The following EYS variants were observed in gnomAD, a reference collection of about 807,000 sequenced individuals.
EYS encodes protein eyes shut homolog.
In EYS, 250 loss-of-function variants were observed where a neutral mutation model predicts 282.1. The ratio of observed to expected loss-of-function variants is 0.89; its 90% CI spans 0.80 to 0.98. The LOEUF is 0.98. EYS is among the 50% of genes least tolerant of loss of function. The pLI, the probability that EYS is intolerant of heterozygous loss-of-function variation, is 0.00. For missense variants in EYS, 4,016 were observed against 3,709.0 expected, an observed-to-expected ratio of 1.08 and a Z score of -2.15; for synonymous variants, 1,355 against 1,282.9, an observed-to-expected ratio of 1.06 and a Z score of -1.20.
At chr6:64,551,184 A>ATATATGTG (rs1765068356) in intron 26 of EYS, among the ~76,000 whole-genome samples, 72 of 149,372 alleles carry the variant, frequency 4.8e-4, no homozygotes, top group African/African-American at 1.6e-3. Flanking sequence ...ATATACACAC[A>ATATATGTG]TATATACATA....
chr6:64,967,313 T>G (rs1770130501), intron 14 of EYS, among the ~76,000 whole-genome samples: 1 of 151,452 alleles, frequency 6.6e-6, no homozygotes, highest in East Asian at 1.9e-4. Context: ...CACTGTAGTC[T>G]GAGATCAAAA....
chr6:65,004,863 A>G lies in EYS; in HGVS notation c.2138-7160T>C, dbSNP rs1406743656. Reference sequence around the variant, plus strand: ...ATTTATGATTTCTATGCTTCATCTAACAAAGTACCAGCAGGTAGCAATGAT... The same window carrying G: ...ATTTATGATTTCTATGCTTCATCTAGCAAAGTACCAGCAGGTAGCAATGAT... On this transcript the variant is annotated intron_variant, in intron 13 of 42. Coordinates refer to ENST00000503581, the MANE Select transcript of EYS (RefSeq NM_001142800.2). Among the ~76,000 whole-genome samples the G allele has an allele frequency of 1.4e-5, 2 of 147,868 alleles. 1 individual carries two copies. Among genetic ancestry groups the G allele is most frequent in the Non-Finnish European group, 3.0e-5 (2 of 66,010 alleles).
At chr6:65,342,560 G>T (rs1770239185) in intron 10 of EYS, among the ~76,000 whole-genome samples, 1 of 150,308 alleles carries the variant, frequency 6.7e-6, no homozygotes, top group South Asian at 2.1e-4. Context: ...AATTATTTTG[G>T]TTGCCTGAAC....
intron 37 of EYS, chr6:63,797,987 G>A (rs961365222): frequency 6.6e-6 from 1 of 152,180 alleles, no homozygotes; most frequent in Admixed American, 6.5e-5. Flanking sequence ...CTCTCTTGCT[G>A]TCAGAGATGA....
intron 22 of EYS, among the ~76,000 whole-genome samples, chr6:64,628,246 G>T (rs78468275): frequency 7.0e-6 from 1 of 142,156 alleles, no homozygotes. Flanking sequence ...CCATAGCAGT[G>T]TTTTTTTTTT....
chr6:64,009,431 C>T (rs1171218796), intron 33 of EYS, among the ~76,000 whole-genome samples: 1 of 144,186 alleles, frequency 6.9e-6, no homozygotes, highest in Admixed American at 6.8e-5. Flanking sequence ...CTACAGGCAC[C>T]CACCACCACG....
At chr6:64,695,075 C>T (rs1370635723) in intron 22 of EYS, among the ~76,000 whole-genome samples, 3 of 152,092 alleles carry the variant, frequency 2.0e-5, no homozygotes, top group African/African-American at 4.8e-5. Context: ...GGCCTGAGAA[C>T]TGCCTTCCAA....
intron 12 of EYS, among the ~76,000 whole-genome samples, chr6:65,246,072 A>G (rs1169741304): frequency 6.6e-6 from 1 of 152,124 alleles, no homozygotes; most frequent in African/African-American, 2.4e-5. Context: ...GCAATGTGAA[A>G]GATACACAAA....
At chr6:65,073,527 G>A (rs905948773) in intron 12 of EYS, among the ~76,000 whole-genome samples, 1 of 151,712 alleles carries the variant, frequency 6.6e-6, no homozygotes, top group Admixed American at 6.6e-5. Context: ...ATAAAGGAAA[G>A]TGTATTGTAT....
chr6:64,714,872 A>ACC (rs950755666), intron 22 of EYS, among the ~76,000 whole-genome samples: 1 of 151,822 alleles, frequency 6.6e-6, no homozygotes, highest in Non-Finnish European at 1.5e-5. Context: ...TGATGAGACC[A>ACC]CCCCCTCTAC....
intron 33 of EYS, among the ~76,000 whole-genome samples, chr6:64,014,748 T>G (rs1374934405): frequency 6.6e-6 from 1 of 151,618 alleles, no homozygotes; most frequent in East Asian, 1.9e-4. Flanking sequence ...AGTCTAAATA[T>G]CCTTTGGCTT....
At chr6:64,806,512 T>G (rs552577643) in intron 22 of EYS, among the ~76,000 whole-genome samples, 53 of 152,242 alleles carry the variant, frequency 3.5e-4, no homozygotes, top group Admixed American at 1.0e-3. Flanking sequence ...TTACTGATTT[T>G]CCTGCAATCT....
At chr6:64,258,076 A>C (rs1767463243) in intron 30 of EYS, among the ~76,000 whole-genome samples, 1 of 151,992 alleles carries the variant, frequency 6.6e-6, no homozygotes, top group Non-Finnish European at 1.5e-5. Context: ...ATGCCATGTG[A>C]TCCTAAGAAG....
At position 65,208,026 on chromosome 6, in the gene EYS, T is replaced by A. The variant is rs190916091; in HGVS notation, c.2023+87837A>T. Among the ~76,000 whole-genome samples the A allele has an allele frequency of 3.9e-3, 593 of 151,808 alleles. 4 individuals carry two copies. The highest frequency in any genetic ancestry group is 6.2e-3 in the Non-Finnish European group (419 of 67,734). The stretch of plus-strand genomic sequence containing the variant: ...AAAAATAGATAACTGGGAATTAAAC[T>A]GAAAAGCTTCTACCTAACAAAAGAA... On this transcript the variant is annotated intron_variant, in intron 12 of 42. Transcript: ENST00000503581.
chr6:64,642,801 G>T (rs949673571), intron 22 of EYS, among the ~76,000 whole-genome samples: 3 of 152,312 alleles, frequency 2.0e-5, no homozygotes, highest in Middle Eastern at 3.4e-3. Flanking sequence ...GAAATGTGCT[G>T]TGCACCCCTT....
intron 31 of EYS, among the ~76,000 whole-genome samples, chr6:64,203,055 G>C (rs1004431722): frequency 3.3e-5 from 5 of 152,178 alleles, no homozygotes; most frequent in African/African-American, 1.2e-4. Flanking sequence ...AGAGATATAA[G>C]GTGGCACGAC....
At chr6:64,830,972 C>A (rs957814292) in intron 19 of EYS, among the ~76,000 whole-genome samples, 3 of 151,912 alleles carry the variant, frequency 2.0e-5, no homozygotes, top group African/African-American at 4.8e-5. Context: ...TGAGTGAAGG[C>A]GACTCAGTAT....
intron 36 of EYS, among the ~76,000 whole-genome samples, chr6:63,810,710 A>T (rs1344083400): frequency 6.6e-6 from 1 of 152,244 alleles, no homozygotes; most frequent in Non-Finnish European, 1.5e-5. Context: ...CGAGCTAAAC[A>T]TACAATTCAA....
intron 12 of EYS, among the ~76,000 whole-genome samples, chr6:65,185,649 T>C (rs899911099): frequency 6.6e-6 from 1 of 151,784 alleles, no homozygotes; most frequent in Non-Finnish European, 1.5e-5. Flanking sequence ...ATGACATGAG[T>C]GCTAGGCTCT....
Sources: gnomAD v4.1 joint callset for allele counts (sites outside exome capture counted in the v4.1 genomes callset) on GRCh38, gnomAD v4.1.1 for gene constraint, MANE v1.5 for transcripts, NCBI Gene and HGNC (gene_info 2026-07-23, HGNC 2026-07-21) for gene names.